FUT9: variants seen among roughly 807,000 people sequenced by gnomAD.
The protein encoded by FUT9 is 4-galactosyl-N-acetylglucosaminide 3-alpha-L-fucosyltransferase 9.
In FUT9, 15 loss-of-function variants were observed where a neutral mutation model predicts 29.7. The ratio of observed to expected loss-of-function variants is 0.51; its 90% CI spans 0.34 to 0.78. The LOEUF is 0.78. Among genes scored for constraint, FUT9 ranks in the 30% least tolerant of loss-of-function variants. The pLI, the probability that FUT9 is intolerant of heterozygous loss-of-function variation, is 0.01. For missense variants in FUT9, 319 were observed against 425.4 expected, an observed-to-expected ratio of 0.75 and a Z score of 2.20; for synonymous variants, 169 against 153.7, an observed-to-expected ratio of 1.10 and a Z score of -0.74.
In FUT9 at chr6:96,049,880, A is replaced by G. The variant is rs537894641; in HGVS notation, c.-98+33668A>G. 1.8e-3 allele frequency among the ~76,000 whole-genome samples: 268 copies of G among 152,326 alleles called. 4 individuals carry two copies. The highest frequency in any genetic ancestry group is 1.8e-3 in the Admixed American group (28 of 15,294). On this transcript the variant is annotated intron_variant, in intron 1 of 2. Transcript: ENST00000302103. Reference sequence around the variant, plus strand: ...AGCTAACGTGGACTAAATAGTTACTATGTGTCAGGCAGCGTAAAATATGCT... The same window carrying G: ...AGCTAACGTGGACTAAATAGTTACTGTGTGTCAGGCAGCGTAAAATATGCT...
At chr6:96,148,728 G>A (rs1772619841) in intron 2 of FUT9, among the ~76,000 whole-genome samples, 1 of 152,176 alleles carries the variant, frequency 6.6e-6, no homozygotes, top group Admixed American at 6.5e-5. Context: ...CACTCCTATA[G>A]TAGTGTAGAT....
At chr6:96,151,310 AT>A (rs1214118375) in intron 2 of FUT9, among the ~76,000 whole-genome samples, 7 of 151,992 alleles carry the variant, frequency 4.6e-5, no homozygotes, top group Non-Finnish European at 8.8e-5. Flanking sequence ...GTATAATAGA[AT>A]TTTTTTTCCA....
intron 2 of FUT9, among the ~76,000 whole-genome samples, chr6:96,140,350 G>A (rs1210996463): frequency 3.3e-5 from 5 of 152,102 alleles, no homozygotes; most frequent in African/African-American, 1.2e-4. Context: ...TCTATAGGAC[G>A]TTACAAACTT....
chr6:96,173,023 G>C (rs2127983633), intron 2 of FUT9, among the ~76,000 whole-genome samples: 1 of 152,260 alleles, frequency 6.6e-6, no homozygotes, highest in South Asian at 2.1e-4. Context: ...TGGGAGGTGT[G>C]AATTTGGGCT....
intron 2 of FUT9, among the ~76,000 whole-genome samples, chr6:96,123,277 T>C (rs1772067104): frequency 6.6e-6 from 1 of 151,916 alleles, no homozygotes; most frequent in Non-Finnish European, 1.5e-5. Context: ...GCTGGCAAAA[T>C]AATAAAAACT....
intron 1 of FUT9, among the ~76,000 whole-genome samples, chr6:96,104,624 A>G (rs1185958677): frequency 6.6e-6 from 1 of 152,096 alleles, no homozygotes; most frequent in Admixed American, 6.5e-5. Flanking sequence ...TCCGCTTTCC[A>G]GGTTCATGCC....
chr6:96,106,213 C>CCCTTCCTTCCTTCCCTCCTTCCTTCCTT (rs1771681522), intron 1 of FUT9, among the ~76,000 whole-genome samples: 1 of 137,142 alleles, frequency 7.3e-6, no homozygotes, highest in Non-Finnish European at 1.6e-5. Flanking sequence ...AATCCATCAA[C>CCCTTCCTTCCTTCCCTCCTTCCTTCCTT]CCTTCCTTCC....
At chr6:96,040,428 A>C (rs1770439473) in intron 1 of FUT9, among the ~76,000 whole-genome samples, 1 of 152,204 alleles carries the variant, frequency 6.6e-6, no homozygotes, top group Non-Finnish European at 1.5e-5. Context: ...AGAACTAGCA[A>C]TCCTCGATAT....
At chr6:96,030,526 A>G (rs1562101237) in intron 1 of FUT9, among the ~76,000 whole-genome samples, 3 of 151,570 alleles carry the variant, frequency 2.0e-5, no homozygotes, top group South Asian at 2.1e-4. Flanking sequence ...ACATTGCTGG[A>G]AGGGATGCAA....
intron 2 of FUT9, among the ~76,000 whole-genome samples, chr6:96,136,762 G>A (rs549853223): frequency 6.6e-6 from 1 of 151,838 alleles, no homozygotes; most frequent in South Asian, 2.1e-4. Flanking sequence ...TGTTTGAGAG[G>A]GTAGCAGCAT....
At chr6:96,034,295 A>C (rs1472092817) in intron 1 of FUT9, among the ~76,000 whole-genome samples, 1 of 151,580 alleles carries the variant, frequency 6.6e-6, no homozygotes, top group Non-Finnish European at 1.5e-5. Flanking sequence ...TATAACTATT[A>C]CTGAAAGATA....
rs1025136469 is a variant in FUT9 at position 96,209,750 on chromosome 6, A to C, written c.*5515A>C. The C allele has an allele frequency of 3.0e-5, 5 of 166,788 alleles. No individual in the cohort carries two copies. The highest frequency in any genetic ancestry group is 1.2e-4 in the African/African-American group (5 of 41,422). 10.3% of individuals were successfully genotyped at this position (166,788 alleles called of 1,614,324 possible). A position where few individuals can be genotyped will look rare whatever the true frequency, so the allele number is the denominator to read the frequency against. ...TTTATTTAAAAATAACCTCTCAAAC[A>C]CCAGTTGCTTTCTGTCAGTTTTACT... On this transcript the variant is annotated 3_prime_UTR_variant, in exon 3 of 3. Transcript: ENST00000302103.
intron 2 of FUT9, among the ~76,000 whole-genome samples, chr6:96,176,196 G>T (rs1045243084): frequency 3.3e-5 from 5 of 152,050 alleles, no homozygotes; most frequent in African/African-American, 1.2e-4. Context: ...CACACTATTG[G>T]TTTCCCTGGT....
intron 1 of FUT9, among the ~76,000 whole-genome samples, chr6:96,032,254 T>C (rs1030306648): frequency 1.1e-4 from 17 of 151,814 alleles, no homozygotes; most frequent in African/African-American, 3.9e-4. Context: ...ATGAGCCTCT[T>C]TTTAATGGCT....
At chr6:96,191,601 C>T (rs1773510050) in intron 2 of FUT9, among the ~76,000 whole-genome samples, 1 of 152,128 alleles carries the variant, frequency 6.6e-6, no homozygotes, top group Admixed American at 6.6e-5. Context: ...AGCTTACCAA[C>T]TAAAAAAAGT....
chr6:96,214,404 A>T lies in FUT9; in HGVS notation c.*10169A>T, dbSNP rs1285049865. On this transcript the variant is annotated 3_prime_UTR_variant, in exon 3 of 3. Transcript: ENST00000302103. Reference sequence around the variant, plus strand: ...AACATAGAACATCTAGGCAGTCTTGACAGTCAACCAGTGTAATCACTAGGG... The same window carrying T: ...AACATAGAACATCTAGGCAGTCTTGTCAGTCAACCAGTGTAATCACTAGGG... 6.0e-6 allele frequency: 1 copy of T among 166,990 alleles called. No homozygotes were observed. Among genetic ancestry groups the T allele is most frequent in the Non-Finnish European group, 1.5e-5 (1 of 68,048 alleles). The allele number at this position is 166,990 out of a possible 1,614,324, so 10.3% of individuals were successfully genotyped here. A position where few individuals can be genotyped will look rare whatever the true frequency, so the allele number is the denominator to read the frequency against.
intron 2 of FUT9, among the ~76,000 whole-genome samples, chr6:96,174,248 AT>A (rs1485631771): frequency 6.6e-6 from 1 of 152,132 alleles, no homozygotes; most frequent in Non-Finnish European, 1.5e-5. Flanking sequence ...CCAGCTTTGT[AT>A]TTAAGGGCAG....
intron 2 of FUT9, among the ~76,000 whole-genome samples, chr6:96,164,950 T>C (rs1466593412): frequency 6.6e-6 from 1 of 152,216 alleles, no homozygotes; most frequent in Non-Finnish European, 1.5e-5. Context: ...TGTATGAACA[T>C]TTCCATCATT....
rs1002093386 is a variant in FUT9, at chr6:96,207,478, C to T, written c.*3243C>T. 1 of 166,898 alleles carries T rather than the reference C, an allele frequency of 6.0e-6. No individual in the cohort carries two copies. The highest frequency in any genetic ancestry group is 2.4e-5 in the African/African-American group (1 of 41,394). 10.3% of individuals were successfully genotyped at this position (166,898 alleles called of 1,614,324 possible). ...ATAAAACATCAAACTTGTTAGCATT[C>T]GTTCTGGTTTAAATATTTTAGGAGT... is the stretch of plus-strand genomic sequence containing the variant. On this transcript the variant is annotated 3_prime_UTR_variant, in exon 3 of 3. Coordinates refer to ENST00000302103, the MANE Select transcript of FUT9 (RefSeq NM_006581.4).
Sources: gnomAD v4.1 joint callset for allele counts (sites outside exome capture counted in the v4.1 genomes callset) on GRCh38, gnomAD v4.1.1 for gene constraint, MANE v1.5 for transcripts, NCBI Gene and HGNC (gene_info 2026-07-23, HGNC 2026-07-21) for gene names.